Variants in ANO2 observed in about 807,000 individuals in gnomAD.
The protein encoded by ANO2 is anoctamin-2.
Under a neutral mutation model 124.2 loss-of-function variants are expected in ANO2, and 101 were observed. The observed-to-expected ratio is 0.81, with a 90% CI of 0.69 to 0.96. The LOEUF (loss-of-function observed/expected upper bound fraction) is 0.96. Ranked by LOEUF, ANO2 falls within the 40% of genes least tolerant of loss-of-function variation. The pLI is 0.00. For missense variants in ANO2, 1,293 were observed against 1,274.5 expected (o/e 1.01, Z -0.22); for synonymous variants, 486 against 482.5 (o/e 1.01, Z -0.09).
Position 5,750,899 on chromosome 12 carries a change from G to A in ANO2, c.1127C>T (p.Ser376Phe). The A allele has an allele frequency of 1.2e-6, 2 of 1,612,034 alleles. No individual in the cohort carries two copies. Among genetic ancestry groups the A allele is most frequent in the Non-Finnish European group, 1.7e-6 (2 of 1,178,924 alleles). The part of the protein sequence containing the change: ...LGLYTSFLIP[S>F]SVIGVIVFLY... ...AAACACAATCACTCCAATTACAGAA[G>A]ATGGGATGAGGAATGATGTATATAA... The change falls in exon 11 of 25, where the codon TCT becomes TTT. Residue 376 changes from serine to phenylalanine, a missense_variant. Ser to Phe is a radical substitution (Grantham distance 155, BLOSUM62 -2). Coordinates refer to ENST00000682330, the MANE Select transcript of ANO2 (RefSeq NM_001364791.2).
At chr12:5,757,762 T>A (rs1951621505) in intron 10 of ANO2, among the ~76,000 whole-genome samples, 1 of 152,184 alleles carries the variant, frequency 6.6e-6, no homozygotes, top group Non-Finnish European at 1.5e-5. Flanking sequence ...AAATGCCAAG[T>A]CCGTCCAGGG....
At chr12:5,945,067 G>T (rs953429912) in intron 1 of ANO2, 129 bp downstream of exon 1, 3 of 781,160 alleles carry the variant, frequency 3.8e-6, no homozygotes, top group Non-Finnish European at 5.2e-6. Context: ...TCAACTTCCC[G>T]CACCACCCTG....
intron 20 of ANO2, among the ~76,000 whole-genome samples, chr12:5,593,090 TA>T (rs1251913739): frequency 2.0e-5 from 3 of 152,220 alleles, no homozygotes; most frequent in Non-Finnish European, 4.4e-5. Flanking sequence ...AATGAATAAG[TA>T]AACATGCAAT....
chr12:5,662,417 T>C (rs1342644235), intron 14 of ANO2, among the ~76,000 whole-genome samples: 1 of 152,216 alleles, frequency 6.6e-6, no homozygotes, highest in African/African-American at 2.4e-5. Context: ...GTGTTGGTAA[T>C]TTTTATTTAA....
At chr12:5,837,936 A>G (rs1954382331) in intron 4 of ANO2, among the ~76,000 whole-genome samples, 2 of 152,056 alleles carry the variant, frequency 1.3e-5, no homozygotes, top group South Asian at 4.2e-4. Context: ...TGGTTTTTTG[A>G]AAGGATCAAC....
intron 19 of ANO2, 76 bp from the exon 20 acceptor site, chr12:5,599,705 G>T (rs970297256): frequency 6.6e-7 from 1 of 1,508,632 alleles, no homozygotes; most frequent in Non-Finnish European, 9.0e-7. Context: ...AAAAGAAAAA[G>T]AACACAAAAG....
At chr12:5,820,626 A>G (rs1953764011) in intron 7 of ANO2, among the ~76,000 whole-genome samples, 1 of 152,202 alleles carries the variant, frequency 6.6e-6, no homozygotes. Context: ...CTCTACCTAG[A>G]AAAATAGTAA....
chr12:5,714,912 A>C (rs890494834), intron 14 of ANO2, among the ~76,000 whole-genome samples: 1 of 152,192 alleles, frequency 6.6e-6, no homozygotes, highest in Non-Finnish European at 1.5e-5. Context: ...CTGCATTTTC[A>C]TGATTCAACA....
chr12:5,583,455 C>T (rs978478513), intron 20 of ANO2, among the ~76,000 whole-genome samples: 7 of 151,694 alleles, frequency 4.6e-5, no homozygotes, highest in Non-Finnish European at 7.4e-5. Context: ...AGATCGAGAC[C>T]ATCTTGGCTA....
chr12:5,661,616 C>A (rs12813795), intron 14 of ANO2, among the ~76,000 whole-genome samples: 44,282 of 151,930 alleles, frequency 0.29, 8,062 homozygotes, highest in East Asian at 0.53. Context: ...AGACAGGCCA[C>A]CACTGTGACA....
intron 19 of ANO2, among the ~76,000 whole-genome samples, chr12:5,601,026 G>T (rs1338641190): frequency 6.6e-6 from 1 of 152,200 alleles, no homozygotes; most frequent in Non-Finnish European, 1.5e-5. Context: ...AGAGGATGTA[G>T]TATAGTGGAT....
At chr12:5,834,991 G>A (rs566170667) in intron 4 of ANO2, among the ~76,000 whole-genome samples, 20 of 152,136 alleles carry the variant, frequency 1.3e-4, no homozygotes, top group Admixed American at 8.5e-4. Context: ...TAATGGATGC[G>A]TAGTATTACA....
At chr12:5,752,986 C>G (rs10466911) in intron 10 of ANO2, among the ~76,000 whole-genome samples, 3,598 of 152,200 alleles carry the variant, frequency 0.024, 131 homozygotes, top group African/African-American at 0.078. Context: ...AACAGTTTAA[C>G]AATATTGATT....
Position 5,888,411 on chromosome 12 carries a change from C to T in ANO2, c.534+32629G>A, listed in dbSNP as rs534066632. On this transcript the variant is annotated intron_variant, in intron 3 of 24. Transcript: ENST00000682330. Reference sequence around the variant, plus strand: ...GTGGAAGGGGACGCCAGCGGATTGCCACCGCTGGCTCCAGCAGCCTGCTTT... The same window carrying T: ...GTGGAAGGGGACGCCAGCGGATTGCTACCGCTGGCTCCAGCAGCCTGCTTT... Among the ~76,000 whole-genome samples the T allele has an allele frequency of 3.0e-4, 46 of 152,254 alleles. 1 individual carries two copies. In the East Asian group the frequency reaches 6.8e-3, roughly 22 times the overall value.
At chr12:5,593,864 C>T (rs1943528198) in intron 20 of ANO2, among the ~76,000 whole-genome samples, 1 of 152,166 alleles carries the variant, frequency 6.6e-6, no homozygotes, top group Non-Finnish European at 1.5e-5. Context: ...GGTTCAACGG[C>T]AGTACCACCC....
chr12:5,874,409 G>A (rs564603933), intron 3 of ANO2, among the ~76,000 whole-genome samples: 1 of 152,340 alleles, frequency 6.6e-6, no homozygotes, highest in South Asian at 2.1e-4. Context: ...GCTTGGATTA[G>A]AGGAACCCTG....
intron 14 of ANO2, among the ~76,000 whole-genome samples, chr12:5,649,690 C>T (rs1946817503): frequency 6.6e-6 from 1 of 152,278 alleles, no homozygotes; most frequent in South Asian, 2.1e-4. Flanking sequence ...CTGCAACCTC[C>T]ACCTCCCAGG....
intron 14 of ANO2, among the ~76,000 whole-genome samples, chr12:5,656,401 A>G (rs1947155999): frequency 6.6e-6 from 1 of 152,078 alleles, no homozygotes; most frequent in South Asian, 2.1e-4. Context: ...CTGAACCATG[A>G]CCCTTTGAGC....
intron 3 of ANO2, among the ~76,000 whole-genome samples, chr12:5,919,400 C>T (rs1941567081): frequency 7.0e-6 from 1 of 142,044 alleles, no homozygotes; most frequent in Non-Finnish European, 1.6e-5. Flanking sequence ...AGGGCAATAG[C>T]ACAAAGACCT....
Sources: allele counts gnomAD v4.1 joint callset (sites outside exome capture counted in the v4.1 genomes callset), GRCh38; gene constraint gnomAD v4.1.1; transcripts MANE v1.5; gene names NCBI Gene and HGNC (gene_info 2026-07-23, HGNC 2026-07-21).